The following CHST15 variants were observed in gnomAD, a reference collection of about 807,000 sequenced individuals.
CHST15 encodes the protein B cell RAG associated protein (GALNAC4S-6ST).
CHST15 carries 30 observed loss-of-function variants against 53.6 expected under a neutral mutation model. The ratio of observed to expected loss-of-function variants is 0.56; its 90% CI spans 0.42 to 0.76. The LOEUF is 0.76. CHST15 is among the 30% of genes least tolerant of loss of function. The pLI, the probability that CHST15 is intolerant of heterozygous loss-of-function variation, is 0.00. For missense variants in CHST15, 627 were observed against 740.5 expected (o/e 0.85, Z 1.78); for synonymous variants, 296 against 289.8 (o/e 1.02, Z -0.22).
At position 124,024,787 on chromosome 10, in the gene CHST15, T is replaced by C. The variant is rs1946931119; in HGVS notation, c.1191-3375A>G. ...TGAACCTTCAAGCAAGGTTTGGCTG[T>C]GTGCACTGAGGGGTGCCAGGTGGCA... On this transcript the variant is annotated intron_variant, in intron 5 of 7. Transcript: ENST00000435907. This position sits in a 1 kb window ranked among gnomAD's most constrained non-coding sequence, Gnocchi z 4.0. Among the ~76,000 whole-genome samples, 1 of 152,218 alleles carries C rather than the reference T, an allele frequency of 6.6e-6. No homozygotes were observed. The highest frequency in any genetic ancestry group is 1.5e-5 in the Non-Finnish European group (1 of 68,042).
intron 1 of CHST15, among the ~76,000 whole-genome samples, chr10:124,059,624 G>C (rs1191132872): frequency 6.6e-6 from 1 of 152,094 alleles, no homozygotes; most frequent in Non-Finnish European, 1.5e-5. Flanking sequence ...GAAAGGTCTC[G>C]CATGGACACA....
In CHST15 at chr10:124,038,715, G is replaced by A. The variant is rs142161611; in HGVS notation, c.1034-44C>T. 4.3e-4 allele frequency: 690 copies of A among 1,602,750 alleles called. 2 individuals are homozygous for A. The highest frequency in any genetic ancestry group is 2.5e-3 in the Middle Eastern group (14 of 5,646). Reference sequence around the variant, plus strand: ...CCAAGTGAGCAGGGGTGTGATTCAGGCTCCCACGGAGTGGCTCTAGGTGCC... The same window carrying A: ...CCAAGTGAGCAGGGGTGTGATTCAGACTCCCACGGAGTGGCTCTAGGTGCC... On this transcript the variant is annotated intron_variant, in intron 4 of 7. Transcript: ENST00000435907.
chr10:124,015,205 C>G (rs1469752548), intron 6 of CHST15, among the ~76,000 whole-genome samples: 1 of 152,136 alleles, frequency 6.6e-6, no homozygotes, highest in Non-Finnish European at 1.5e-5. Context: ...AAAGACAGCC[C>G]CCAGCAGATT....
At chr10:124,081,879 A>G (rs919479334) in intron 1 of CHST15, among the ~76,000 whole-genome samples, 2 of 152,182 alleles carry the variant, frequency 1.3e-5, no homozygotes, top group Non-Finnish European at 2.9e-5. Flanking sequence ...TGGAGTCACA[A>G]TTACAGCCCC....
intron 6 of CHST15, among the ~76,000 whole-genome samples, chr10:124,013,930 G>C (rs887028498): frequency 1.3e-5 from 2 of 152,172 alleles, no homozygotes; most frequent in East Asian, 3.8e-4. Context: ...CTCCTGGCTA[G>C]TCCTCCTTCC....
At chr10:124,089,261 C>T (rs1267751343) in intron 1 of CHST15, among the ~76,000 whole-genome samples, 1 of 152,224 alleles carries the variant, frequency 6.6e-6, no homozygotes, top group Admixed American at 6.5e-5. Flanking sequence ...TGGCTGATTG[C>T]TCAGATCAAT....
intron 7 of CHST15, chr10:124,010,831 TGTG>T: frequency 1.0e-6 from 1 of 985,434 alleles, no homozygotes; most frequent in African/African-American, 1.7e-5. Context: ...TGCGTCTTGC[TGTG>T]AAGTGGCCAT....
At chr10:124,025,382 C>G (rs1420876595) in intron 5 of CHST15, among the ~76,000 whole-genome samples, 1 of 152,218 alleles carries the variant, frequency 6.6e-6, no homozygotes, top group East Asian at 1.9e-4. Flanking sequence ...AGGCCACGCT[C>G]CTTCCTCGGC....
chr10:124,052,169 C>A (rs1262931830), intron 1 of CHST15, among the ~76,000 whole-genome samples: 1 of 152,136 alleles, frequency 6.6e-6, no homozygotes, highest in African/African-American at 2.4e-5. Context: ...ACATTCCTCT[C>A]TAGGCTATAT....
Position 124,036,679 on chromosome 10 carries a change from CACACTT to C in CHST15, c.1190+1830_1190+1835del, listed in dbSNP as rs1206801462. ...ACCCATGTGCACACACACACACACACACACTTATTTGCATAGAAAAGTCTGGAAGAA... is the reference window on the plus strand; with the variant it reads ...ACCCATGTGCACACACACACACACACATTTGCATAGAAAAGTCTGGAAGAA... On this transcript the variant is annotated intron_variant, in intron 5 of 7. Coordinates refer to ENST00000435907, the MANE Select transcript of CHST15 (RefSeq NM_001270764.2). This position sits in a 1 kb window ranked among gnomAD's most constrained non-coding sequence, Gnocchi z 5.1. 2.6e-5 allele frequency among the ~76,000 whole-genome samples: 4 copies of C among 152,148 alleles called. No individual in the cohort carries two copies. Among genetic ancestry groups the C allele is most frequent in the Admixed American group, 2.0e-4 (3 of 15,286 alleles).
At position 124,044,773 on chromosome 10, in the gene CHST15, G is replaced by T. The variant is rs754021721; in HGVS notation, c.693C>A (p.Ala231=). 1.9e-5 allele frequency: 30 copies of T among 1,611,680 alleles called. No homozygotes were observed. Among genetic ancestry groups the T allele is most frequent in the Non-Finnish European group, 2.3e-5 (27 of 1,178,914 alleles). ...GGTGGCCCCAGAAGGCCTTGCGCAGGGCGTCGAAGGTGGAGCGGAAGCGCT... is the reference window on the plus strand; with the variant it reads ...GGTGGCCCCAGAAGGCCTTGCGCAGTGCGTCGAAGGTGGAGCGGAAGCGCT... The part of the protein sequence containing the change: ...YSKRFRSTFD[A]LRKAFWGHLA... The change falls in exon 3 of 8, where the codon GCC becomes GCA. Residue 231 remains alanine (A), a synonymous_variant. Transcript: ENST00000435907.
In CHST15 at chr10:124,047,429, A is replaced by G. The variant is rs192176802; in HGVS notation, c.-512-705T>C. ...GCTTCAGAACCTGACATAATTTTTC[A>G]CTTTCATCATCTCGAGCAAGATATG... On this transcript the variant is annotated intron_variant, in intron 1 of 7. Transcript: ENST00000435907. 6.6e-5 allele frequency among the ~76,000 whole-genome samples: 10 copies of G among 152,358 alleles called. No individual in the cohort carries two copies. In the East Asian group the frequency reaches 1.9e-3, roughly 29 times the overall value.
At chr10:124,021,762 G>C (rs1306558606) in intron 5 of CHST15, among the ~76,000 whole-genome samples, 1 of 152,158 alleles carries the variant, frequency 6.6e-6, no homozygotes, top group Non-Finnish European at 1.5e-5. Flanking sequence ...CTAGCAAAGA[G>C]AAGCCATGAA....
intron 1 of CHST15, among the ~76,000 whole-genome samples, chr10:124,089,408 G>A (rs1949535262): frequency 6.6e-6 from 1 of 152,188 alleles, no homozygotes; most frequent in Admixed American, 6.5e-5. Flanking sequence ...ACGGGGACAG[G>A]GCCTGAACGT....
At position 124,019,897 on chromosome 10, in the gene CHST15, GGT is replaced by G; in HGVS notation, c.1347+1357_1347+1358del. The G allele has an allele frequency of 1.0e-6, 1 of 986,038 alleles. No individual in the cohort carries two copies. Among genetic ancestry groups the G allele is most frequent in the Non-Finnish European group, 1.2e-6 (1 of 830,448 alleles). 61.1% of individuals were successfully genotyped at this position (986,038 alleles called of 1,614,324 possible). On this transcript the variant is annotated intron_variant, in intron 6 of 7. Coordinates refer to ENST00000435907, the MANE Select transcript of CHST15 (RefSeq NM_001270764.2). This position sits in a 1 kb window ranked among gnomAD's most constrained non-coding sequence, Gnocchi z 4.6. ...CCAGGCGGCTGGCTGCGTTCTGTAT[GGT>G]AGGTGGTGCTGACCACTGGGCCTCT...
intron 5 of CHST15, among the ~76,000 whole-genome samples, chr10:124,032,373 A>G (rs1023934919): frequency 1.3e-5 from 2 of 152,168 alleles, no homozygotes; most frequent in African/African-American, 2.4e-5. Context: ...AAACATAGAC[A>G]CGGTAAAATC....
intron 6 of CHST15, among the ~76,000 whole-genome samples, chr10:124,016,238 G>T (rs935332617): frequency 6.6e-6 from 1 of 152,206 alleles, no homozygotes; most frequent in South Asian, 2.1e-4. Context: ...CAGGAAGGCG[G>T]TGAATGACTC....
chr10:124,069,450 C>T (rs961244379), intron 1 of CHST15, among the ~76,000 whole-genome samples: 1 of 152,168 alleles, frequency 6.6e-6, no homozygotes, highest in African/African-American at 2.4e-5. Context: ...CAAGAATCAT[C>T]GGGGCCAGGC....
intron 6 of CHST15, chr10:124,020,209 GCATTATTACCC>G (rs1462316045): frequency 1.0e-6 from 1 of 985,432 alleles, no homozygotes. Context: ...TGGTACAGCA[GCATTATTACCC>G]CATTGTATGA....
Sources: gnomAD v4.1 joint callset for allele counts (sites outside exome capture counted in the v4.1 genomes callset) on GRCh38, gnomAD v4.1.1 for gene constraint, Gnocchi (gnomAD v3.1) non-coding constraint, MANE v1.5 for transcripts, NCBI Gene and HGNC (gene_info 2026-07-23, HGNC 2026-07-21) for gene names.